The following RNF2 variants were observed in gnomAD, a reference collection of about 807,000 sequenced individuals.
RNF2 encodes E3 ubiquitin-protein ligase RING2.
A neutral mutation model predicts 37.2 loss-of-function variants in RNF2; 6 were observed. The observed-to-expected ratio is 0.16, with a 90% CI of 0.09 to 0.32. The LOEUF is 0.32. RNF2 is among the 10% of genes least tolerant of loss of function. The pLI is 1.00. For missense variants in RNF2, 251 were observed against 404.0 expected, an observed-to-expected ratio of 0.62 and a Z score of 3.25; for synonymous variants, 133 against 132.7, an observed-to-expected ratio of 1.00 and a Z score of -0.02.
chr1:185,064,839 G>A (rs1650752783), intron 1 of RNF2, among the ~76,000 whole-genome samples: 7 of 151,776 alleles, frequency 4.6e-5, no homozygotes, highest in Admixed American at 4.6e-4. Flanking sequence ...TTATGTTGTT[G>A]TATATGGAAT....
Position 185,102,087 on chromosome 1 carries a change from G to A in RNF2, c.*1786G>A, listed in dbSNP as rs1390836982. On this transcript the variant is annotated 3_prime_UTR_variant, in exon 7 of 7. Coordinates refer to ENST00000367510, the MANE Select transcript of RNF2 (RefSeq NM_007212.4). ...AATTGAAATTTTGTCTTTAAGCAGA[G>A]AGTTATTTGTGACTATAAGCTTTGT... is the stretch of plus-strand genomic sequence containing the variant. 6.6e-6 allele frequency: 1 copy of A among 152,438 alleles called. No homozygotes were observed. Among genetic ancestry groups the A allele is most frequent in the Non-Finnish European group, 1.5e-5 (1 of 67,988 alleles). The allele number at this position is 152,438 out of a possible 1,614,324, so 9.4% of individuals were successfully genotyped here.
intron 3 of RNF2, among the ~76,000 whole-genome samples, chr1:185,092,551 T>C (rs1651799374): frequency 6.6e-6 from 1 of 152,158 alleles, no homozygotes; most frequent in Non-Finnish European, 1.5e-5. Flanking sequence ...TGTAGGAAAA[T>C]CTTTGTATTG....
chr1:185,063,177 C>G (rs563315376), intron 1 of RNF2, among the ~76,000 whole-genome samples: 4 of 152,018 alleles, frequency 2.6e-5, no homozygotes, highest in Non-Finnish European at 5.9e-5. Context: ...GGGGAAGTAC[C>G]ATTTGGAAAT....
chr1:185,071,996 A>G (rs1427557664), intron 1 of RNF2: 1 of 152,548 alleles, frequency 6.6e-6, no homozygotes, highest in Non-Finnish European at 1.5e-5. Context: ...ATGAATAGGT[A>G]GATGTGGAGA....
chr1:185,082,469 G>GC (rs1348927123), intron 1 of RNF2, among the ~76,000 whole-genome samples: 1 of 150,328 alleles, frequency 6.7e-6, no homozygotes, highest in African/African-American at 2.5e-5. Context: ...TCCTGCCTCA[G>GC]CCCCCCAGTA....
intron 1 of RNF2, among the ~76,000 whole-genome samples, chr1:185,071,049 A>G (rs946857314): frequency 4.6e-5 from 7 of 152,218 alleles, no homozygotes; most frequent in Non-Finnish European, 8.8e-5. Flanking sequence ...GCCAAGTAAT[A>G]CAAAGTGAGT....
chr1:185,078,907 G>GGTA (rs1651257580), intron 1 of RNF2, among the ~76,000 whole-genome samples: 6 of 152,138 alleles, frequency 3.9e-5, no homozygotes, highest in African/African-American at 7.2e-5. Flanking sequence ...TGCCAGGCAT[G>GGTA]GTGGTGTGCA....
intron 1 of RNF2, among the ~76,000 whole-genome samples, chr1:185,068,277 A>G (rs1650860667): frequency 6.6e-6 from 1 of 152,212 alleles, no homozygotes; most frequent in African/African-American, 2.4e-5. Context: ...TACTTTGGTC[A>G]GTGTGGTAGG....
Position 185,098,262 on chromosome 1 carries a change from G to T in RNF2, c.655G>T (p.Val219Leu). 6.2e-7 allele frequency: 1 copy of T among 1,614,062 alleles called. No individual in the cohort carries two copies. Residue 219 changes from valine to leucine, a missense_variant, in exon 5 of 7, where the codon GTA becomes TTA. This residue lies in a region of RNF2 where 94 missense variants were observed against 99.2 expected (regional missense o/e 0.95). Transcript: ENST00000367510. ...CAATGCAGCAATGGCAATTGATCCA[G>T]TAATGGATGGTGCTAGTGAAATTGA... ...NNNAAMAIDP[V>L]MDGASEIELV...
intron 4 of RNF2, among the ~76,000 whole-genome samples, chr1:185,095,708 TA>T (rs1461644846): frequency 6.6e-6 from 1 of 152,250 alleles, no homozygotes; most frequent in African/African-American, 2.4e-5. Context: ...TATATTGAAT[TA>T]AAATTAGTCT....
chr1:185,046,452 A>G (rs1318299756), intron 1 of RNF2, among the ~76,000 whole-genome samples: 1 of 152,174 alleles, frequency 6.6e-6, no homozygotes, highest in Non-Finnish European at 1.5e-5. Context: ...TACCTTCTAC[A>G]GAAGTCTCCT....
intron 1 of RNF2, among the ~76,000 whole-genome samples, chr1:185,083,642 A>G (rs1346654339): frequency 2.0e-5 from 3 of 151,726 alleles, no homozygotes. Flanking sequence ...TATTAGGTGT[A>G]TTTTTGTTTT....
At chr1:185,077,231 TA>T (rs1421227672) in intron 1 of RNF2, among the ~76,000 whole-genome samples, 1 of 152,142 alleles carries the variant, frequency 6.6e-6, no homozygotes, top group African/African-American at 2.4e-5. Flanking sequence ...TATAGTTAGC[TA>T]TCATTATTTG....
At chr1:185,075,605 T>TA (rs1189162384) in intron 1 of RNF2, among the ~76,000 whole-genome samples, 5 of 152,146 alleles carry the variant, frequency 3.3e-5, no homozygotes, top group African/African-American at 9.7e-5. Context: ...TCAGGAAACT[T>TA]ACATTCATGG....
At chr1:185,094,697 A>G (rs1251857682) in intron 4 of RNF2, among the ~76,000 whole-genome samples, 1 of 152,172 alleles carries the variant, frequency 6.6e-6, no homozygotes, top group Non-Finnish European at 1.5e-5. Flanking sequence ...GAGCCCTCTA[A>G]TAGCTTCTAT....
intron 1 of RNF2, among the ~76,000 whole-genome samples, chr1:185,063,041 A>G (rs1261396948): frequency 6.6e-6 from 1 of 152,228 alleles, no homozygotes; most frequent in African/African-American, 2.4e-5. Flanking sequence ...TGATCCAGTA[A>G]TTCCACTTCT....
Position 185,098,053 on chromosome 1 carries a change from T to C in RNF2, c.465-19T>C, listed in dbSNP as rs762703518. 8 of 1,604,504 alleles carry C rather than the reference T, an allele frequency of 5.0e-6. No homozygotes were observed. Among genetic ancestry groups the C allele is most frequent in the Non-Finnish European group, 4.3e-6 (5 of 1,173,772 alleles). ...GCCTAAAAGTAAATTTTATGCATCC[T>C]TTTTTCCCCCTTGACTAGACTGCAG... On this transcript the variant is annotated intron_variant, in intron 4 of 6. Coordinates refer to ENST00000367510, the MANE Select transcript of RNF2 (RefSeq NM_007212.4).
chr1:185,046,781 G>T (rs1329616658), intron 1 of RNF2, among the ~76,000 whole-genome samples: 1 of 152,156 alleles, frequency 6.6e-6, no homozygotes, highest in Non-Finnish European at 1.5e-5. Context: ...ATGTACGAGC[G>T]ATTTGCATTA....
intron 1 of RNF2, among the ~76,000 whole-genome samples, chr1:185,067,340 G>A (rs1650825856): frequency 1.3e-5 from 2 of 152,190 alleles, no homozygotes; most frequent in South Asian, 4.1e-4. Context: ...TGTTATGATG[G>A]CAGTTGGATT....
Sources: allele counts gnomAD v4.1 joint callset (sites outside exome capture counted in the v4.1 genomes callset), GRCh38; gene constraint gnomAD v4.1.1; regional missense constraint gnomAD v4.1.1; transcripts MANE v1.5; gene names NCBI Gene and HGNC (gene_info 2026-07-23, HGNC 2026-07-21).